FAM227B: variants seen among roughly 807,000 people sequenced by gnomAD.
FAM227B encodes the protein family with sequence similarity 227 member B.
Under a neutral mutation model 73.8 loss-of-function variants are expected in FAM227B, and 88 were observed. The ratio of observed to expected loss-of-function variants is 1.19; its 90% confidence interval spans 1.00 to 1.42. FAM227B has a LOEUF of 1.42. Among genes scored for constraint, FAM227B ranks in the 40% most tolerant of loss-of-function variants. The probability of loss-of-function intolerance (pLI) is 0.00; values close to 1 mark genes in which losing one functional copy is unlikely to be tolerated. For missense variants in FAM227B, 632 were observed against 590.9 expected, an observed-to-expected ratio of 1.07 and a Z score of -0.72; for synonymous variants, 210 against 190.5, an observed-to-expected ratio of 1.10 and a Z score of -0.84.
intron 11 of FAM227B, chr15:49,484,488 C>G (rs779955446): frequency 6.5e-7 from 1 of 1,549,200 alleles, no homozygotes; most frequent in South Asian, 1.2e-5. Flanking sequence ...CACTTTCTTC[C>G]TATGGCAATA....
rs112425104 is a variant in FAM227B at position 49,503,636 on chromosome 15, A to C, written c.1012+4575T>G. Among the ~76,000 whole-genome samples, 724 of 152,338 alleles carry C rather than the reference A, an allele frequency of 4.8e-3. 4 individuals are homozygous for C. Among genetic ancestry groups the C allele is most frequent in the Non-Finnish European group, 6.4e-3 (437 of 68,036 alleles). ...CAAAGGATATGAACAGACACTTCGC[A>C]AAAGAAGACATTTATGCAGCCAAAA... On this transcript the variant is annotated intron_variant, in intron 11 of 15. Transcript: ENST00000299338.
At position 49,544,700 on chromosome 15, in the gene FAM227B, G is replaced by A. The variant is rs143066718; in HGVS notation, c.748-2894C>T. On this transcript the variant is annotated intron_variant, in intron 9 of 15. Transcript: ENST00000299338. ...TCTCCTCTTTGCCAATTTTGCTGAGGGTTTTAATCATAAAGTGATGCTGGA... is the reference window on the plus strand; with the variant it reads ...TCTCCTCTTTGCCAATTTTGCTGAGAGTTTTAATCATAAAGTGATGCTGGA... 5.1e-3 allele frequency among the ~76,000 whole-genome samples: 773 copies of A among 152,032 alleles called. 9 individuals carry two copies. The highest frequency in any genetic ancestry group is 0.018 in the African/African-American group (731 of 41,466).
intron 1 of FAM227B, among the ~76,000 whole-genome samples, 196 bp from the exon 2 acceptor site, chr15:49,615,439 G>A (rs1250108777): frequency 6.6e-6 from 1 of 152,164 alleles, no homozygotes; most frequent in African/African-American, 2.4e-5. Flanking sequence ...TTGGATCATG[G>A]GGGTGGTTTC....
At chr15:49,397,010 G>A (rs1001549862) in intron 11 of FAM227B, among the ~76,000 whole-genome samples, 1 of 152,166 alleles carries the variant, frequency 6.6e-6, no homozygotes, top group Non-Finnish European at 1.5e-5. Flanking sequence ...TGATTTTGAC[G>A]AGCTGAGAGA....
At chr15:49,535,861 C>T (rs906977589) in intron 10 of FAM227B, among the ~76,000 whole-genome samples, 9 of 151,646 alleles carry the variant, frequency 5.9e-5, no homozygotes, top group African/African-American at 1.7e-4. Context: ...TAAAGTTCAA[C>T]ATTCTTTTGA....
intron 4 of FAM227B, among the ~76,000 whole-genome samples, chr15:49,588,690 C>T (rs34461215): frequency 0.13 from 18,362 of 146,354 alleles, 1,438 homozygotes; most frequent in East Asian, 0.36. Context: ...CATTACAAGA[C>T]GAATTTATAC....
At chr15:49,419,374 ATGACCTTT>A (rs2049434249) in intron 11 of FAM227B, among the ~76,000 whole-genome samples, 1 of 152,186 alleles carries the variant, frequency 6.6e-6, no homozygotes, top group Admixed American at 6.6e-5. Flanking sequence ...TGCGCTTGGC[ATGACCTTT>A]TGAAAGGGAT....
At position 49,329,806 on chromosome 15, in the gene FAM227B, T is replaced by TAAA. The variant is rs558009170; in HGVS notation, c.1420-1134_1420-1132dup. ...TTCTTTAAAGATACCTGGATCAGTG[T>TAAA]AAAAAAAAAAAAAAAAAGGCACCTG... On this transcript the variant is annotated intron_variant, in intron 15 of 15. Transcript: ENST00000299338. 3.5e-4 allele frequency: 258 copies of TAAA among 729,554 alleles called. 1 individual carries two copies. In the African/African-American group the frequency reaches 3.9e-3, roughly 11 times the overall value. The allele number at this position is 729,554 out of a possible 1,614,324, so 45.2% of individuals were successfully genotyped here. A position where few individuals can be genotyped will look rare whatever the true frequency, so the allele number is the denominator to read the frequency against.
chr15:49,396,413 C>T (rs1347161950), intron 11 of FAM227B: 2 of 202,728 alleles, frequency 9.9e-6, no homozygotes, highest in South Asian at 6.2e-5. Flanking sequence ...GGCAGCGAGG[C>T]TGGGGGAGGG....
At chr15:49,558,967 T>C (rs1032381480) in intron 9 of FAM227B, among the ~76,000 whole-genome samples, 5 of 151,880 alleles carry the variant, frequency 3.3e-5, no homozygotes, top group African/African-American at 1.2e-4. Context: ...AGCAGTACTG[T>C]CACACTGGCA....
chr15:49,486,819 A>G (rs1480324707), intron 11 of FAM227B: 1 of 151,920 alleles, frequency 6.6e-6, no homozygotes, highest in Non-Finnish European at 1.5e-5. Context: ...TTTATTATGC[A>G]AATTTTAGAA....
rs1013853831 is a variant in FAM227B at position 49,335,582 on chromosome 15, C to T, written c.1272-86G>A. 25 of 883,952 alleles carry T rather than the reference C, an allele frequency of 2.8e-5. 1 individual carries two copies. The highest frequency in any genetic ancestry group is 2.2e-4 in the Middle Eastern group (1 of 4,572). The allele number at this position is 883,952 out of a possible 1,614,324, so 54.8% of individuals were successfully genotyped here. On this transcript the variant is annotated intron_variant, in intron 13 of 15. Transcript: ENST00000299338. ...CCCTTCACAGAGGAACCAAGGGGAC[C>T]GTGTGACCTTCACTTTTCAGTAATG... is the stretch of plus-strand genomic sequence containing the variant.
intron 10 of FAM227B, among the ~76,000 whole-genome samples, chr15:49,529,132 T>C (rs866472552): frequency 2.6e-5 from 4 of 151,882 alleles, no homozygotes; most frequent in South Asian, 2.1e-4. Flanking sequence ...CACCAAGGAA[T>C]ACTATGCAGC....
intron 11 of FAM227B, among the ~76,000 whole-genome samples, chr15:49,427,411 T>C (rs1013791519): frequency 3.3e-5 from 5 of 152,048 alleles, no homozygotes; most frequent in African/African-American, 9.7e-5. Flanking sequence ...AGCAGGATTC[T>C]GATTAAAGAT....
intron 3 of FAM227B, among the ~76,000 whole-genome samples, chr15:49,600,853 C>T (rs1772837954): frequency 6.6e-6 from 1 of 151,340 alleles, no homozygotes; most frequent in African/African-American, 2.4e-5. Flanking sequence ...CCAGCCTGGC[C>T]AACATGGTGA....
At chr15:49,375,072 A>G (rs149680300) in intron 11 of FAM227B, among the ~76,000 whole-genome samples, 1 of 152,308 alleles carries the variant, frequency 6.6e-6, no homozygotes, top group African/African-American at 2.4e-5. Flanking sequence ...CAAATTGGCA[A>G]ACTGAAAGAT....
At chr15:49,350,817 A>G (rs544648152) in intron 13 of FAM227B, among the ~76,000 whole-genome samples, 2 of 152,174 alleles carry the variant, frequency 1.3e-5, no homozygotes, top group South Asian at 4.1e-4. Flanking sequence ...TGCGAGCCAA[A>G]GACAAAGTGA....
Position 49,615,158 on chromosome 15 carries a change from C to T in FAM227B, c.14G>A (p.Arg5Gln), listed in dbSNP as rs151268951. The change falls in exon 2 of 16, where the codon CGA becomes CAA. Residue 5 changes from arginine (R) to glutamine (Q), a missense_variant. Coordinates refer to ENST00000299338, the MANE Select transcript of FAM227B (RefSeq NM_152647.3). ...TCTGCTGCTCCTCCTTTGACATGTTCGTTGGCCTGCCATGGTACAGTAACT... is the reference window on the plus strand; with the variant it reads ...TCTGCTGCTCCTCCTTTGACATGTTTGTTGGCCTGCCATGGTACAGTAACT... MAGQ[R>Q]TCQRRSSRAG... 1.6e-3 allele frequency: 2,543 copies of T among 1,614,052 alleles called. 47 individuals are homozygous for T. The South Asian group carries it at 0.02, about 13-fold the overall frequency.
At chr15:49,408,176 T>C (rs1326372173) in intron 11 of FAM227B, among the ~76,000 whole-genome samples, 3 of 152,248 alleles carry the variant, frequency 2.0e-5, no homozygotes, top group Admixed American at 1.3e-4. Flanking sequence ...TTTTTATTTA[T>C]ACTTGCATCT....
Sources: gnomAD v4.1 joint callset for allele counts (sites outside exome capture counted in the v4.1 genomes callset) on GRCh38, gnomAD v4.1.1 for gene constraint, MANE v1.5 for transcripts, NCBI Gene and HGNC (gene_info 2026-07-23, HGNC 2026-07-21) for gene names.